Variants in SYN3 observed in about 807,000 individuals in gnomAD.
The protein encoded by SYN3 is synapsin-3.
Under a neutral mutation model 65.8 loss-of-function variants are expected in SYN3, and 35 were observed. That is an observed-to-expected ratio of 0.53 (90% CI 0.41 to 0.70). SYN3 has a LOEUF of 0.70. Ranked by LOEUF, SYN3 falls within the 30% of genes least tolerant of loss-of-function variation. SYN3 has a pLI of 0.00. For missense variants in SYN3, 680 were observed against 749.0 expected (o/e 0.91, Z 1.08); for synonymous variants, 270 against 292.9 (o/e 0.92, Z 0.80).
chr22:32,750,153 T>C (rs2045071019), intron 6 of SYN3, among the ~76,000 whole-genome samples: 1 of 152,168 alleles, frequency 6.6e-6, no homozygotes, highest in Non-Finnish European at 1.5e-5. Flanking sequence ...AATACATCAC[T>C]ATATTGTATG....
chr22:32,768,462 G>A (rs1411768803), intron 6 of SYN3, among the ~76,000 whole-genome samples: 1 of 152,062 alleles, frequency 6.6e-6, no homozygotes, highest in Non-Finnish European at 1.5e-5. Context: ...TACATTCTCA[G>A]GTTCAATCGC....
chr22:32,985,526 G>A (rs1292758227), intron 2 of SYN3, among the ~76,000 whole-genome samples: 2 of 152,178 alleles, frequency 1.3e-5, no homozygotes, highest in Non-Finnish European at 2.9e-5. Context: ...GGGTGGTAGG[G>A]CAGGGATTGC....
intron 7 of SYN3, among the ~76,000 whole-genome samples, chr22:32,594,140 C>A (rs566137045): frequency 6.6e-6 from 1 of 151,486 alleles, no homozygotes; most frequent in East Asian, 2.0e-4. Context: ...CAGTGGGAGA[C>A]AAGGGAATTG....
intron 6 of SYN3, among the ~76,000 whole-genome samples, chr22:32,661,310 C>G (rs937405509): frequency 6.6e-6 from 1 of 152,202 alleles, no homozygotes; most frequent in Admixed American, 6.5e-5. Flanking sequence ...CAGTCAGAAC[C>G]ACTCCAAAGG....
intron 8 of SYN3, among the ~76,000 whole-genome samples, chr22:32,540,112 T>A (rs763832472): frequency 4.6e-5 from 7 of 152,170 alleles, no homozygotes; most frequent in Non-Finnish European, 1.0e-4. Flanking sequence ...TCACAAGCAA[T>A]GACAGGGCTC....
At chr22:32,588,542 A>G (rs959858929) in intron 7 of SYN3, among the ~76,000 whole-genome samples, 58 of 152,202 alleles carry the variant, frequency 3.8e-4, no homozygotes, top group African/African-American at 1.4e-3. Context: ...GTGTGTTTTT[A>G]AAGCTCCCAT....
At chr22:32,740,832 A>C (rs1466433185) in intron 6 of SYN3, among the ~76,000 whole-genome samples, 1 of 152,100 alleles carries the variant, frequency 6.6e-6, no homozygotes, top group Admixed American at 6.5e-5. Flanking sequence ...AAGAGATGGG[A>C]GGGCTATTTT....
At chr22:32,657,418 C>A (rs923583108) in intron 6 of SYN3, among the ~76,000 whole-genome samples, 1 of 152,196 alleles carries the variant, frequency 6.6e-6, no homozygotes, top group African/African-American at 2.4e-5. Context: ...CCACCGCGCC[C>A]GGCCCGAGCC....
intron 6 of SYN3, among the ~76,000 whole-genome samples, chr22:32,650,545 C>T (rs967782924): frequency 6.6e-6 from 1 of 152,048 alleles, no homozygotes; most frequent in Non-Finnish European, 1.5e-5. Flanking sequence ...GGATGGCAGG[C>T]CACTCTACCT....
At chr22:32,576,572 A>G (rs1265882536) in intron 7 of SYN3, among the ~76,000 whole-genome samples, 1 of 152,094 alleles carries the variant, frequency 6.6e-6, no homozygotes, top group East Asian at 1.9e-4. Context: ...TTTCCCCTTC[A>G]AGCCATTTTT....
intron 6 of SYN3, among the ~76,000 whole-genome samples, chr22:32,605,007 G>GA (rs543726592): frequency 0.48 from 43,608 of 90,868 alleles, 9,904 homozygotes; most frequent in Non-Finnish European, 0.56. Flanking sequence ...CTCCATCTCA[G>GA]AAAAAAAAAA....
At chr22:32,694,463 A>G (rs909165743) in intron 6 of SYN3, among the ~76,000 whole-genome samples, 1 of 152,204 alleles carries the variant, frequency 6.6e-6, no homozygotes. Flanking sequence ...CTATTCCTAA[A>G]TTGATAATAT....
chr22:32,536,303 G>C (rs1027627523), intron 9 of SYN3, among the ~76,000 whole-genome samples: 1 of 152,234 alleles, frequency 6.6e-6, no homozygotes. Flanking sequence ...TGGGTTCCCA[G>C]GTTGAAGGTG....
intron 1 of SYN3, among the ~76,000 whole-genome samples, chr22:33,057,090 C>G (rs751059108): frequency 2.0e-5 from 3 of 152,172 alleles, no homozygotes; most frequent in Non-Finnish European, 4.4e-5. Flanking sequence ...GCAGGGCTCC[C>G]GGGCAGAGGG....
chr22:32,691,092 CT>C (rs2060655579), intron 6 of SYN3, among the ~76,000 whole-genome samples: 1 of 152,124 alleles, frequency 6.6e-6, no homozygotes, highest in African/African-American at 2.4e-5. Flanking sequence ...GCTTGCCTCC[CT>C]TTTTTCTCTC....
intron 7 of SYN3, among the ~76,000 whole-genome samples, chr22:32,586,034 A>ACG (rs1478024831): frequency 3.8e-5 from 4 of 104,216 alleles, no homozygotes; most frequent in African/African-American, 2.4e-4. Context: ...ATGTATGTAT[A>ACG]TATGTATATG....
At chr22:32,989,663 C>T (rs532510741) in intron 2 of SYN3, among the ~76,000 whole-genome samples, 20 of 151,888 alleles carry the variant, frequency 1.3e-4, no homozygotes, top group Non-Finnish European at 2.5e-4. Flanking sequence ...GGTGAAACCC[C>T]GTGTCTACCA....
intron 3 of SYN3, among the ~76,000 whole-genome samples, chr22:32,961,903 A>G (rs949076735): frequency 9.9e-5 from 15 of 152,186 alleles, no homozygotes; most frequent in African/African-American, 2.9e-4. Context: ...ATAGAGAAAC[A>G]TTAGCTTGGA....
intron 3 of SYN3, among the ~76,000 whole-genome samples, chr22:32,941,842 C>T (rs146203483): frequency 3.9e-5 from 6 of 152,328 alleles, no homozygotes; most frequent in East Asian, 3.9e-4. Flanking sequence ...CACGGAGCCT[C>T]GCTCATTGCC....
Sources: gnomAD v4.1 joint callset for allele counts (sites outside exome capture counted in the v4.1 genomes callset) on GRCh38, gnomAD v4.1.1 for gene constraint, MANE v1.5 for transcripts, NCBI Gene and HGNC (gene_info 2026-07-23, HGNC 2026-07-21) for gene names.